The following SETBP1 variants were observed in gnomAD, a reference collection of about 807,000 sequenced individuals.
SETBP1 encodes SET-binding protein.
SETBP1 carries 9 observed loss-of-function variants against 101.0 expected under a neutral mutation model. That is an observed-to-expected ratio of 0.09 (90% CI 0.05 to 0.16). The LOEUF (loss-of-function observed/expected upper bound fraction) is 0.16. Among genes scored for constraint, SETBP1 ranks in the 10% least tolerant of loss-of-function variants. SETBP1 has a pLI of 1.00. For synonymous variants in SETBP1, 818 were observed against 788.5 expected, an observed-to-expected ratio of 1.04 and a Z score of -0.63; for missense variants, 1,858 against 2,033.8, an observed-to-expected ratio of 0.91 and a Z score of 1.66.
intron 4 of SETBP1, among the ~76,000 whole-genome samples, chr18:44,992,322 T>A (rs913606036): frequency 6.6e-6 from 1 of 152,068 alleles, no homozygotes; most frequent in Non-Finnish European, 1.5e-5. Flanking sequence ...ACATTTTTTT[T>A]AAAGACTGAT....
At chr18:44,848,035 C>A (rs1257689096) in intron 2 of SETBP1, among the ~76,000 whole-genome samples, 1 of 151,772 alleles carries the variant, frequency 6.6e-6, no homozygotes, top group Non-Finnish European at 1.5e-5. Flanking sequence ...CCAGACCTCA[C>A]CCTAGATAGG....
intron 2 of SETBP1, among the ~76,000 whole-genome samples, chr18:44,779,749 G>A (rs2071084153): frequency 6.6e-6 from 1 of 152,106 alleles, no homozygotes; most frequent in African/African-American, 2.4e-5. Context: ...TCTGTAAGGG[G>A]AGGCTCCTTA....
At chr18:44,929,538 C>T (rs9675825) in intron 3 of SETBP1, among the ~76,000 whole-genome samples, 78,727 of 151,440 alleles carry the variant, frequency 0.52, 20,657 homozygotes, top group East Asian at 0.73. Flanking sequence ...TATGGCCATT[C>T]TCACGATATT....
chr18:45,020,978 A>C (rs1376681915), intron 4 of SETBP1, among the ~76,000 whole-genome samples: 2 of 152,220 alleles, frequency 1.3e-5, no homozygotes, highest in Non-Finnish European at 2.9e-5. Context: ...GTTTGTCTTT[A>C]GTTAGAATGA....
intron 2 of SETBP1, among the ~76,000 whole-genome samples, chr18:44,824,117 G>A (rs1171294161): frequency 6.6e-6 from 1 of 152,204 alleles, no homozygotes; most frequent in Non-Finnish European, 1.5e-5. Context: ...GGCTGCCTGT[G>A]TGTGTGTGCA....
chr18:44,738,773 C>CAAA (rs34390519), intron 2 of SETBP1, among the ~76,000 whole-genome samples: 4 of 79,730 alleles, frequency 5.0e-5, no homozygotes, highest in South Asian at 8.7e-4. Context: ...GACTCCATCT[C>CAAA]AAAAAAAAAA....
At chr18:44,713,329 A>C (rs964416723) in intron 2 of SETBP1, among the ~76,000 whole-genome samples, 3 of 151,846 alleles carry the variant, frequency 2.0e-5, no homozygotes. Flanking sequence ...TGCTGCTCAA[A>C]GGCCTTCACG....
chr18:44,915,686 G>T (rs965669999), intron 3 of SETBP1, among the ~76,000 whole-genome samples: 4 of 152,216 alleles, frequency 2.6e-5, no homozygotes, highest in Non-Finnish European at 2.9e-5. Flanking sequence ...TGAACAGAAT[G>T]TGGTTAAAGC....
At chr18:44,846,737 G>T (rs924002858) in intron 2 of SETBP1, among the ~76,000 whole-genome samples, 3 of 152,234 alleles carry the variant, frequency 2.0e-5, no homozygotes, top group Admixed American at 6.5e-5. Context: ...CCAAAGCCTA[G>T]TGGGATTAGG....
chr18:45,048,974 G>A (rs1185721483), intron 5 of SETBP1, among the ~76,000 whole-genome samples: 1 of 24,848 alleles, frequency 4.0e-5, no homozygotes, highest in Non-Finnish European at 7.9e-5. Context: ...GCGAGACTCC[G>A]TCTCAAAAAA....
chr18:44,700,626 T>G (rs1251238681), intron 1 of SETBP1, among the ~76,000 whole-genome samples: 2 of 152,142 alleles, frequency 1.3e-5, no homozygotes, highest in Non-Finnish European at 2.9e-5. Flanking sequence ...ATTGAAATAA[T>G]GCATAGTGAA....
intron 5 of SETBP1, among the ~76,000 whole-genome samples, chr18:45,056,833 C>T (rs1246876773): frequency 6.6e-6 from 1 of 152,196 alleles, no homozygotes; most frequent in Non-Finnish European, 1.5e-5. Context: ...CCCACCTCTC[C>T]TACCTTGTCC....
intron 4 of SETBP1, chr18:44,987,974 A>G (rs1453518065): frequency 6.6e-6 from 1 of 152,218 alleles, no homozygotes; most frequent in Non-Finnish European, 1.5e-5. Flanking sequence ...ATTCTCCTAT[A>G]AATGTGAACC....
intron 2 of SETBP1, among the ~76,000 whole-genome samples, chr18:44,817,043 G>A (rs539100729): frequency 5.3e-5 from 8 of 152,274 alleles, no homozygotes; most frequent in African/African-American, 1.9e-4. Flanking sequence ...AAGCTGGTAC[G>A]GTGCATACCC....
At chr18:44,988,710 A>C (rs1445575522) in intron 4 of SETBP1, 1 of 152,160 alleles carries the variant, frequency 6.6e-6, no homozygotes, top group Non-Finnish European at 1.5e-5. Flanking sequence ...TATGACCAAA[A>C]ATTCCTTTCA....
chr18:44,782,007 A>G (rs1266905262), intron 2 of SETBP1, among the ~76,000 whole-genome samples: 1 of 152,228 alleles, frequency 6.6e-6, no homozygotes, highest in Non-Finnish European at 1.5e-5. Context: ...AGGATGTCAG[A>G]AAACCAAGCC....
chr18:44,684,664 G>A, intron 1 of SETBP1, among the ~76,000 whole-genome samples: 1 of 126,884 alleles, frequency 7.9e-6, no homozygotes, highest in Admixed American at 8.7e-5. Context: ...TTAATTTTTT[G>A]TGACAGAGTC....
chr18:44,991,152 A>G (rs2072365574), intron 4 of SETBP1, among the ~76,000 whole-genome samples: 1 of 148,572 alleles, frequency 6.7e-6, no homozygotes. Context: ...CTAAGGCGAG[A>G]GAATTGCTTG....
chr18:44,846,129 G>A (rs1348292274), intron 2 of SETBP1, among the ~76,000 whole-genome samples: 1 of 152,186 alleles, frequency 6.6e-6, no homozygotes, highest in Non-Finnish European at 1.5e-5. Context: ...TCTCAGAGAA[G>A]CCAGGTGATG....
Sources: gnomAD v4.1 joint callset for allele counts (sites outside exome capture counted in the v4.1 genomes callset) on GRCh38, gnomAD v4.1.1 for gene constraint, MANE v1.5 for transcripts, NCBI Gene and HGNC (gene_info 2026-07-23, HGNC 2026-07-21) for gene names.